SLIT2: variants seen among roughly 807,000 people sequenced by gnomAD.
The protein encoded by SLIT2 is slit guidance ligand 2.
A neutral mutation model predicts 185.7 loss-of-function variants in SLIT2; 41 were observed. That is an observed-to-expected ratio of 0.22 (90% CI 0.17 to 0.29). SLIT2 has a LOEUF of 0.29. Among genes scored for constraint, SLIT2 ranks in the 10% least tolerant of loss-of-function variants. SLIT2 has a pLI of 1.00. For synonymous variants in SLIT2, 693 were observed against 680.2 expected, an observed-to-expected ratio of 1.02 and a Z score of -0.29; for missense variants, 1,571 against 1,909.0, an observed-to-expected ratio of 0.82 and a Z score of 3.30.
At chr4:20,400,483 T>C (rs577556068) in intron 4 of SLIT2, among the ~76,000 whole-genome samples, 9 of 151,826 alleles carry the variant, frequency 5.9e-5, no homozygotes, top group African/African-American at 1.2e-4. Flanking sequence ...ATAGGAAATA[T>C]AGGATGAGAT....
chr4:20,562,143 A>G (rs1724745777), intron 26 of SLIT2, among the ~76,000 whole-genome samples: 1 of 151,782 alleles, frequency 6.6e-6, no homozygotes, highest in Non-Finnish European at 1.5e-5. Flanking sequence ...TCATCTGGAG[A>G]TCATCTCCAC....
intron 4 of SLIT2, among the ~76,000 whole-genome samples, chr4:20,293,613 A>G (rs78738341): frequency 0.019 from 2,835 of 152,330 alleles, 91 homozygotes; most frequent in East Asian, 0.13. Flanking sequence ...TTTAGCATCA[A>G]TTCTTAGCTT....
chr4:20,271,002 T>C (rs1490337844), intron 4 of SLIT2, among the ~76,000 whole-genome samples: 1 of 151,958 alleles, frequency 6.6e-6, no homozygotes, highest in Non-Finnish European at 1.5e-5. Context: ...CAACTGCCAT[T>C]GGAAGTCTTT....
intron 4 of SLIT2, among the ~76,000 whole-genome samples, chr4:20,391,993 A>G (rs77957064): frequency 0.016 from 2,424 of 152,132 alleles, 45 homozygotes; most frequent in East Asian, 0.052. Context: ...TACTATACCT[A>G]TGCTCTTCAG....
chr4:20,580,195 G>A (rs1726437827), intron 29 of SLIT2, among the ~76,000 whole-genome samples: 1 of 150,556 alleles, frequency 6.6e-6, no homozygotes, highest in Admixed American at 6.7e-5. Context: ...CAAGTAGCTG[G>A]GATTACAGAT....
chr4:20,291,480 ATATATATATATATTTT>A (rs1345627676), intron 4 of SLIT2, among the ~76,000 whole-genome samples: 2 of 14,054 alleles, frequency 1.4e-4, no homozygotes, highest in African/African-American at 5.9e-4. Flanking sequence ...ATATATATAT[ATATATATATATATTTT>A]TTTTTTTTTT....
intron 4 of SLIT2, among the ~76,000 whole-genome samples, chr4:20,447,959 G>T (rs1167264138): frequency 1.3e-5 from 2 of 152,152 alleles, no homozygotes; most frequent in Non-Finnish European, 2.9e-5. Context: ...TCAGTAGAAA[G>T]ATGTGGAAAC....
At chr4:20,394,272 C>T (rs972619872) in intron 4 of SLIT2, among the ~76,000 whole-genome samples, 11 of 151,800 alleles carry the variant, frequency 7.2e-5, no homozygotes, top group African/African-American at 1.7e-4. Context: ...AAATTGGTAT[C>T]GCATAAGCTT....
At chr4:20,571,523 C>T (rs556606886) in intron 29 of SLIT2, among the ~76,000 whole-genome samples, 1 of 152,134 alleles carries the variant, frequency 6.6e-6, no homozygotes, top group Non-Finnish European at 1.5e-5. Flanking sequence ...AAATCATTGA[C>T]ACATAAGTGA....
chr4:20,289,334 A>T (rs1715585179), intron 4 of SLIT2, among the ~76,000 whole-genome samples: 1 of 152,322 alleles, frequency 6.6e-6, no homozygotes, highest in Admixed American at 6.5e-5. Flanking sequence ...TATTAAAAAA[A>T]ATCTGTGTAT....
chr4:20,426,208 G>A (rs1419357097), intron 4 of SLIT2, among the ~76,000 whole-genome samples: 1 of 152,120 alleles, frequency 6.6e-6, no homozygotes, highest in Non-Finnish European at 1.5e-5. Flanking sequence ...CCTGGAATGC[G>A]GAGGCAGTAG....
intron 3 of SLIT2, among the ~76,000 whole-genome samples, chr4:20,259,664 G>T (rs1026603960): frequency 1.3e-5 from 2 of 151,736 alleles, no homozygotes; most frequent in Admixed American, 6.6e-5. Flanking sequence ...TCTGAAATTT[G>T]ATTAGAGTTG....
intron 4 of SLIT2, among the ~76,000 whole-genome samples, chr4:20,462,755 G>C (rs1346067405): frequency 6.6e-6 from 1 of 151,996 alleles, no homozygotes; most frequent in African/African-American, 2.4e-5. Flanking sequence ...CTATTACCTA[G>C]TGATATAATT....
chr4:20,313,603 T>C lies in SLIT2; in HGVS notation c.395+44722T>C, dbSNP rs1182142254. ...TTTTTAGTATATCCACTTTACTGTT[T>C]GTATGTGTTAAAGCGGTGGTCCCCA... On this transcript the variant is annotated intron_variant, in intron 4 of 36. Transcript: ENST00000504154. Among the ~76,000 whole-genome samples the C allele has an allele frequency of 2.0e-5, 3 of 152,286 alleles. No individual in the cohort carries two copies. In the East Asian group the frequency reaches 5.8e-4, roughly 29 times the overall value.
chr4:20,265,583 C>T (rs1712948912), intron 3 of SLIT2, among the ~76,000 whole-genome samples: 2 of 151,832 alleles, frequency 1.3e-5, no homozygotes, highest in African/African-American at 4.8e-5. Flanking sequence ...ATATAAAGAT[C>T]ACTCATAATA....
intron 4 of SLIT2, among the ~76,000 whole-genome samples, chr4:20,386,029 G>A (rs1724911775): frequency 6.6e-6 from 1 of 152,094 alleles, no homozygotes; most frequent in African/African-American, 2.4e-5. Context: ...AGTCCAGGAT[G>A]TGAAGAAAAT....
intron 5 of SLIT2, among the ~76,000 whole-genome samples, chr4:20,473,307 A>G (rs1012143974): frequency 2.6e-5 from 4 of 152,032 alleles, no homozygotes; most frequent in South Asian, 2.1e-4. Flanking sequence ...GTTAAAAAAT[A>G]TGTTGGGGAA....
Position 20,524,214 on chromosome 4 carries a change from A to T in SLIT2, c.1438+37A>T, listed in dbSNP as rs561849613. On this transcript the variant is annotated intron_variant, in intron 14 of 36. Transcript: ENST00000504154. ...ACGTGTTATTTCCCCTGTGACCAAC[A>T]ACAATGGTTACATGAGACCTAACAA... is the stretch of plus-strand genomic sequence containing the variant. 9.4e-6 allele frequency: 15 copies of T among 1,599,970 alleles called. No homozygotes were observed. In the East Asian group the frequency reaches 3.4e-4, roughly 36 times the overall value.
chr4:20,348,404 A>ACTT (rs2109255169), intron 4 of SLIT2, among the ~76,000 whole-genome samples: 1 of 148,628 alleles, frequency 6.7e-6, no homozygotes, highest in African/African-American at 2.5e-5. Flanking sequence ...ATGCCTGGCT[A>ACTT]TTTTTTTTTT....
Sources: allele counts gnomAD v4.1 joint callset (sites outside exome capture counted in the v4.1 genomes callset), GRCh38; gene constraint gnomAD v4.1.1; transcripts MANE v1.5; gene names NCBI Gene and HGNC (gene_info 2026-07-23, HGNC 2026-07-21).